PACSIN1: variants seen among roughly 807,000 people sequenced by gnomAD.
PACSIN1 encodes the protein protein kinase C and casein kinase substrate in neurons 1.
Under a neutral mutation model 59.5 loss-of-function variants are expected in PACSIN1, and 15 were observed. That is an observed-to-expected ratio of 0.25 (90% CI 0.17 to 0.39). The LOEUF (loss-of-function observed/expected upper bound fraction) is 0.39, where lower values mean the gene tolerates loss of function less well. Among genes scored for constraint, PACSIN1 ranks in the 10% least tolerant of loss-of-function variants. PACSIN1 has a pLI of 1.00. For synonymous variants in PACSIN1, 210 were observed against 220.6 expected (o/e 0.95, Z 0.42); for missense variants, 420 against 580.2 (o/e 0.72, Z 2.84).
Position 34,488,975 on chromosome 6 carries a change from G to T in PACSIN1, c.-64+22705G>T, listed in dbSNP as rs920671213. Among the ~76,000 whole-genome samples the T allele has an allele frequency of 2.6e-5, 4 of 152,092 alleles. No homozygotes were observed. Among genetic ancestry groups the T allele is most frequent in the Non-Finnish European group, 4.4e-5 (3 of 68,022 alleles). ...GCAGGTGGATCACTTGAGCCCAGAA[G>T]TTCGAGACCAGCCTGGGCAACATGG... On this transcript the variant is annotated intron_variant, in intron 1 of 9. Transcript: ENST00000244458. This position sits in a 1 kb window ranked among gnomAD's most constrained non-coding sequence, Gnocchi z 4.7.
intron 1 of PACSIN1, among the ~76,000 whole-genome samples, chr6:34,519,381 T>C (rs1487994863): frequency 6.6e-6 from 1 of 152,136 alleles, no homozygotes; most frequent in African/African-American, 2.4e-5. Flanking sequence ...CCCTGGGGAC[T>C]GCCTGGAACA....
At position 34,521,309 on chromosome 6, in the gene PACSIN1, G is replaced by A. The variant is rs1176395790; in HGVS notation, c.-63-4934G>A. Among the ~76,000 whole-genome samples the A allele has an allele frequency of 6.6e-6, 1 of 152,140 alleles. No individual in the cohort carries two copies. The highest frequency in any genetic ancestry group is 1.5e-5 in the Non-Finnish European group (1 of 68,020). ...CTGGGTGACTCCCAGGCCTGTGATT[G>A]GTGACCACTGAGGTAGGAATCCACA... On this transcript the variant is annotated intron_variant, in intron 1 of 9. Coordinates refer to ENST00000244458, the MANE Select transcript of PACSIN1 (RefSeq NM_020804.5). This position sits in a 1 kb window ranked among gnomAD's most constrained non-coding sequence, Gnocchi z 4.3.
intron 1 of PACSIN1, among the ~76,000 whole-genome samples, chr6:34,487,036 C>T (rs898170682): frequency 1.3e-5 from 2 of 149,496 alleles, no homozygotes; most frequent in African/African-American, 2.5e-5. Context: ...TGGCCGTGGT[C>T]GTGCATGCCT....
chr6:34,468,546 C>A (rs59257657), intron 1 of PACSIN1, among the ~76,000 whole-genome samples: 3 of 152,312 alleles, frequency 2.0e-5, no homozygotes, highest in African/African-American at 7.2e-5. Flanking sequence ...CTCCCTCTGC[C>A]CCCTGGCTGC....
Position 34,529,357 on chromosome 6 carries a change from A to G in PACSIN1, c.457-40A>G. On this transcript the variant is annotated intron_variant, in intron 4 of 9. Transcript: ENST00000244458. This position sits in a 1 kb window ranked among gnomAD's most constrained non-coding sequence, Gnocchi z 6.3. ...TGGGTGACCATGTTTGCTGCTGGTC[A>G]CAAATGAAAACCCTACTCCCTATTC... The G allele has an allele frequency of 6.2e-7, 1 of 1,602,570 alleles. No homozygotes were observed. Among genetic ancestry groups the G allele is most frequent in the Non-Finnish European group, 8.5e-7 (1 of 1,170,246 alleles).
intron 1 of PACSIN1, among the ~76,000 whole-genome samples, chr6:34,491,917 A>C (rs1766883536): frequency 6.6e-6 from 1 of 151,526 alleles, no homozygotes; most frequent in Non-Finnish European, 1.5e-5. Context: ...CGGCCCCCAC[A>C]TTTTCTTTAA....
At chr6:34,478,670 C>A (rs929635745) in intron 1 of PACSIN1, among the ~76,000 whole-genome samples, 1 of 152,296 alleles carries the variant, frequency 6.6e-6, no homozygotes, top group African/African-American at 2.4e-5. Context: ...CACACTCAGC[C>A]TATTTATCCA....
intron 3 of PACSIN1, 88 bp downstream of exon 3, chr6:34,527,576 C>A: frequency 1.7e-6 from 2 of 1,209,040 alleles, no homozygotes; most frequent in East Asian, 5.9e-5. Flanking sequence ...TACTTGCATG[C>A]ACCATGCCCT....
chr6:34,503,966 T>A (rs896122825), intron 1 of PACSIN1, among the ~76,000 whole-genome samples: 3 of 152,252 alleles, frequency 2.0e-5, no homozygotes, highest in African/African-American at 7.2e-5. Flanking sequence ...CTGTCCTGGA[T>A]TTATCTGTAG....
intron 1 of PACSIN1, among the ~76,000 whole-genome samples, chr6:34,471,799 C>T (rs533704283): frequency 4.3e-4 from 66 of 152,284 alleles, no homozygotes; most frequent in African/African-American, 1.5e-3. Flanking sequence ...CAGAGACAGT[C>T]AGTGTAGCAA....
chr6:34,479,162 TTCAAC>T lies in PACSIN1; in HGVS notation c.-64+12893_-64+12897del, dbSNP rs796795401. 2.6e-5 allele frequency among the ~76,000 whole-genome samples: 4 copies of T among 152,224 alleles called. No individual in the cohort carries two copies. In the South Asian group the frequency reaches 6.2e-4, roughly 24 times the overall value. On this transcript the variant is annotated intron_variant, in intron 1 of 9. Transcript: ENST00000244458. Reference sequence around the variant, plus strand: ...AACACAGCCACATTGGGAATCAGATTTCAACATGTGTTTTGGAGGGGACACACTCA... The same window carrying T: ...AACACAGCCACATTGGGAATCAGATTATGTGTTTTGGAGGGGACACACTCA...
chr6:34,495,909 T>C (rs1212029718), intron 1 of PACSIN1, among the ~76,000 whole-genome samples: 2 of 151,840 alleles, frequency 1.3e-5, no homozygotes, highest in African/African-American at 4.8e-5. Flanking sequence ...GAATGTAGAG[T>C]GGGAAGAAAT....
chr6:34,479,890 A>G (rs1440222916), intron 1 of PACSIN1, among the ~76,000 whole-genome samples: 1 of 151,208 alleles, frequency 6.6e-6, no homozygotes, highest in East Asian at 2.0e-4. Context: ...CAGTGGTGCA[A>G]TCTCAGCTCA....
intron 1 of PACSIN1, among the ~76,000 whole-genome samples, chr6:34,489,442 T>C (rs1338283380): frequency 6.6e-6 from 1 of 152,102 alleles, no homozygotes; most frequent in African/African-American, 2.4e-5. Context: ...TGCTGGGTGG[T>C]GCGGTGTATG....
intron 1 of PACSIN1, among the ~76,000 whole-genome samples, chr6:34,511,543 G>A (rs1464760950): frequency 2.6e-5 from 4 of 152,130 alleles, no homozygotes; most frequent in Admixed American, 2.6e-4. Flanking sequence ...TGTAATATTT[G>A]TTGCTCCTCC....
intron 1 of PACSIN1, among the ~76,000 whole-genome samples, chr6:34,494,794 A>G (rs1766924650): frequency 6.6e-6 from 1 of 152,208 alleles, no homozygotes; most frequent in African/African-American, 2.4e-5. Context: ...TCCTTGGACC[A>G]TACTTTGAGT....
intron 1 of PACSIN1, among the ~76,000 whole-genome samples, chr6:34,470,369 C>T (rs1766554259): frequency 6.6e-6 from 1 of 151,868 alleles, no homozygotes; most frequent in Non-Finnish European, 1.5e-5. Flanking sequence ...TTAGTAAAGA[C>T]AGGGTTTCAC....
At chr6:34,474,240 C>T (rs186773383) in intron 1 of PACSIN1, among the ~76,000 whole-genome samples, 33 of 152,164 alleles carry the variant, frequency 2.2e-4, no homozygotes, top group African/African-American at 6.5e-4. Context: ...TCCCTGACAC[C>T]TCATTTAGTC....
At position 34,490,226 on chromosome 6, in the gene PACSIN1, C is replaced by CTTT. The variant is rs56754772; in HGVS notation, c.-64+23975_-64+23977dup. Among the ~76,000 whole-genome samples, 139 of 102,698 alleles carry CTTT rather than the reference C, an allele frequency of 1.4e-3. 3 individuals carry two copies. The highest frequency in any genetic ancestry group is 7.0e-3 in the Middle Eastern group (1 of 142). 67.4% of individuals were successfully genotyped at this position (102,698 alleles called of 152,430 possible). A position where few individuals can be genotyped will look rare whatever the true frequency, so the allele number is the denominator to read the frequency against. ...CCACCACACCTGGCTAATTTAAAAA[C>CTTT]TTTTTTTTTTTTTTTTTTTTTGTAG... On this transcript the variant is annotated intron_variant, in intron 1 of 9. Coordinates refer to ENST00000244458, the MANE Select transcript of PACSIN1 (RefSeq NM_020804.5).
Sources: gnomAD v4.1 joint callset for allele counts (sites outside exome capture counted in the v4.1 genomes callset) on GRCh38, gnomAD v4.1.1 for gene constraint, Gnocchi (gnomAD v3.1) non-coding constraint, MANE v1.5 for transcripts, NCBI Gene and HGNC (gene_info 2026-07-23, HGNC 2026-07-21) for gene names.